The following PRTG variants were observed in gnomAD, a reference collection of about 807,000 sequenced individuals.
PRTG encodes the protein protogenin, also known as immunoglobulin superfamily, DCC subclass, member 5.
Under a neutral mutation model 122.5 loss-of-function variants are expected in PRTG, and 67 were observed. The ratio of observed to expected loss-of-function variants is 0.55; its 90% CI spans 0.45 to 0.67. The LOEUF (loss-of-function observed/expected upper bound fraction) is 0.67. Ranked by LOEUF, PRTG falls within the 30% of genes least tolerant of loss-of-function variation. The pLI is 0.00. For synonymous variants in PRTG, 554 were observed against 501.1 expected (o/e 1.11, Z -1.41); for missense variants, 1,435 against 1,415.4 (o/e 1.01, Z -0.22).
chr15:55,701,853 G>C (rs1021132873), intron 2 of PRTG, among the ~76,000 whole-genome samples: 1 of 152,106 alleles, frequency 6.6e-6, no homozygotes, highest in Non-Finnish European at 1.5e-5. Flanking sequence ...GACACAGAAG[G>C]TTACATAATA....
intron 2 of PRTG, chr15:55,738,315 C>T (rs1441792257): frequency 4.2e-6 from 2 of 480,724 alleles, no homozygotes; most frequent in African/African-American, 2.0e-5. Flanking sequence ...GTTTGTTACA[C>T]CTATCACACA....
chr15:55,740,162 G>C (rs1178108364), intron 2 of PRTG, among the ~76,000 whole-genome samples: 1 of 151,934 alleles, frequency 6.6e-6, no homozygotes, highest in Non-Finnish European at 1.5e-5. Context: ...CATTTTACTT[G>C]GTGTTCTAAA....
intron 2 of PRTG, among the ~76,000 whole-genome samples, chr15:55,689,446 C>G (rs895666874): frequency 7.9e-5 from 12 of 151,980 alleles, no homozygotes; most frequent in Non-Finnish European, 1.5e-4. Flanking sequence ...GTAGTCCCAA[C>G]AAACAGACTT....
intron 18 of PRTG, among the ~76,000 whole-genome samples, chr15:55,621,003 C>T (rs989283823): frequency 6.6e-6 from 1 of 152,074 alleles, no homozygotes; most frequent in Non-Finnish European, 1.5e-5. Context: ...AGCATTAGTA[C>T]ACAAAATGCT....
intron 2 of PRTG, among the ~76,000 whole-genome samples, chr15:55,733,379 G>T (rs920214243): frequency 6.6e-6 from 1 of 151,118 alleles, no homozygotes; most frequent in South Asian, 2.1e-4. Context: ...GCATGGTGGC[G>T]CATGCCTGTA....
chr15:55,635,331 C>T (rs1250279708), intron 15 of PRTG, among the ~76,000 whole-genome samples: 1 of 152,126 alleles, frequency 6.6e-6, no homozygotes, highest in Non-Finnish European at 1.5e-5. Flanking sequence ...ACCTCGTGAT[C>T]CGTCTGCCTC....
chr15:55,688,534 G>C (rs2059583031), intron 2 of PRTG, among the ~76,000 whole-genome samples: 1 of 152,090 alleles, frequency 6.6e-6, no homozygotes, highest in Non-Finnish European at 1.5e-5. Flanking sequence ...TCTTCGCCTG[G>C]AGTTTATGAA....
chr15:55,625,376 A>C (rs2059188970), intron 17 of PRTG, among the ~76,000 whole-genome samples: 1 of 152,166 alleles, frequency 6.6e-6, no homozygotes. Flanking sequence ...CAGGCATTTC[A>C]GGCACTGTTA....
intron 2 of PRTG, among the ~76,000 whole-genome samples, chr15:55,733,514 C>CAAAAAAAAAA (rs1171561645): frequency 3.9e-5 from 3 of 76,392 alleles, no homozygotes; most frequent in Non-Finnish European, 8.4e-5. Context: ...CTGTCTCAAA[C>CAAAAAAAAAA]AAAAAAAAAA....
rs116931804 is a variant in PRTG, at chr15:55,732,804, T to A, written c.397+7578A>T. 7.6e-3 allele frequency among the ~76,000 whole-genome samples: 1,160 copies of A among 152,216 alleles called. 12 individuals carry two copies. The highest frequency in any genetic ancestry group is 0.013 in the Admixed American group (205 of 15,284). On this transcript the variant is annotated intron_variant, in intron 2 of 19. Transcript: ENST00000389286. ...CCACCATGCCCAGCCGGTAAACCCT[T>A]AACAGCAGTTTTCAATGTATTATGT...
intron 11 of PRTG, among the ~76,000 whole-genome samples, chr15:55,670,370 T>C (rs1262052877): frequency 1.3e-5 from 2 of 152,164 alleles, no homozygotes; most frequent in African/African-American, 4.8e-5. Flanking sequence ...AAATTGGAAG[T>C]AGTAAGCTTG....
chr15:55,732,682 G>A (rs1286734554), intron 2 of PRTG, among the ~76,000 whole-genome samples: 1 of 150,920 alleles, frequency 6.6e-6, no homozygotes, highest in Admixed American at 6.6e-5. Flanking sequence ...TCAGTAGAGA[G>A]GGGGTTTCTC....
intron 11 of PRTG, among the ~76,000 whole-genome samples, chr15:55,650,487 A>G (rs180751031): frequency 6.6e-6 from 1 of 152,282 alleles, no homozygotes; most frequent in East Asian, 1.9e-4. Context: ...TCTCCCTGAG[A>G]GAAGTCACAG....
intron 2 of PRTG, among the ~76,000 whole-genome samples, chr15:55,730,576 G>A (rs144831129): frequency 3.3e-5 from 5 of 152,024 alleles, no homozygotes; most frequent in African/African-American, 7.2e-5. Context: ...CCAGGCGGGC[G>A]GATCACACGG....
At chr15:55,700,904 T>C (rs2059659899) in intron 2 of PRTG, among the ~76,000 whole-genome samples, 1 of 152,186 alleles carries the variant, frequency 6.6e-6, no homozygotes, top group Non-Finnish European at 1.5e-5. Context: ...GTATCCAGAA[T>C]GTATACACAA....
intron 8 of PRTG, 41 bp downstream of exon 8, chr15:55,677,756 G>C: frequency 1.3e-6 from 2 of 1,586,940 alleles, no homozygotes; most frequent in Non-Finnish European, 1.7e-6. Flanking sequence ...ATCCTTGATA[G>C]CAAGGAGTAC....
At chr15:55,626,924 A>C in intron 17 of PRTG, 84 bp downstream of exon 17, 2 of 1,298,686 alleles carry the variant, frequency 1.5e-6, no homozygotes, top group South Asian at 3.2e-5. Flanking sequence ...GTTACTCTAA[A>C]AGGCACTTGA....
At chr15:55,694,329 A>G (rs1418612719) in intron 2 of PRTG, among the ~76,000 whole-genome samples, 2 of 152,166 alleles carry the variant, frequency 1.3e-5, no homozygotes, top group African/African-American at 4.8e-5. Context: ...TGAATGCATG[A>G]ATTTTCTACT....
chr15:55,676,287 A>G (rs898728080), intron 8 of PRTG, among the ~76,000 whole-genome samples: 1 of 151,854 alleles, frequency 6.6e-6, no homozygotes, highest in Non-Finnish European at 1.5e-5. Context: ...TTTTTTTAAG[A>G]GAAAAAAATT....
Sources: allele counts gnomAD v4.1 joint callset (sites outside exome capture counted in the v4.1 genomes callset), GRCh38; gene constraint gnomAD v4.1.1; transcripts MANE v1.5; gene names NCBI Gene and HGNC (gene_info 2026-07-23, HGNC 2026-07-21).